The following PAK5 variants were observed in gnomAD, a reference collection of about 807,000 sequenced individuals.
PAK5 encodes the protein p21 (RAC1) activated kinase 5.
In PAK5, 16 loss-of-function variants were observed where a neutral mutation model predicts 65.9. That is an observed-to-expected ratio of 0.24 (90% CI 0.16 to 0.37). The LOEUF is 0.37. PAK5 is among the 10% of genes least tolerant of loss of function. PAK5 has a pLI of 1.00. For synonymous variants in PAK5, 371 were observed against 354.9 expected (o/e 1.05, Z -0.51); for missense variants, 785 against 903.9 (o/e 0.87, Z 1.69).
intron 3 of PAK5, among the ~76,000 whole-genome samples, chr20:9,593,304 A>G (rs2046205573): frequency 6.6e-6 from 1 of 152,006 alleles, no homozygotes; most frequent in African/African-American, 2.4e-5. Flanking sequence ...ACCCTGTATC[A>G]AAAGAAAAAA....
At chr20:9,541,888 C>A (rs925553061) in intron 9 of PAK5, among the ~76,000 whole-genome samples, 1 of 152,138 alleles carries the variant, frequency 6.6e-6, no homozygotes, top group African/African-American at 2.4e-5. Context: ...CCCCTGTGCG[C>A]TCTCTCTCTC....
At chr20:9,822,485 T>C (rs1168353060) in intron 1 of PAK5, among the ~76,000 whole-genome samples, 1 of 152,176 alleles carries the variant, frequency 6.6e-6, no homozygotes, top group African/African-American at 2.4e-5. Flanking sequence ...TTATATCATC[T>C]TGTTCATTTG....
At chr20:9,553,577 T>C (rs1056344490) in intron 7 of PAK5, among the ~76,000 whole-genome samples, 1 of 152,158 alleles carries the variant, frequency 6.6e-6, no homozygotes. Context: ...TGTGTGTATA[T>C]ATATAAATAT....
At chr20:9,642,006 C>T (rs1206507164) in intron 3 of PAK5, among the ~76,000 whole-genome samples, 1 of 152,168 alleles carries the variant, frequency 6.6e-6, no homozygotes, top group African/African-American at 2.4e-5. Context: ...GGAGTGGGCT[C>T]CAGCCTTGGC....
chr20:9,706,356 A>G (rs6086989), intron 2 of PAK5, among the ~76,000 whole-genome samples: 51,851 of 152,098 alleles, frequency 0.34, 9,686 homozygotes, highest in South Asian at 0.51. Flanking sequence ...ACACAGTCAC[A>G]TGCTGAAAAG....
At chr20:9,787,619 ATG>A (rs3061911) in intron 1 of PAK5, among the ~76,000 whole-genome samples, 26,748 of 146,396 alleles carry the variant, frequency 0.18, 2,419 homozygotes, top group East Asian at 0.35. Context: ...TATGAAAAGG[ATG>A]TGTGTGTGTG....
intron 1 of PAK5, among the ~76,000 whole-genome samples, chr20:9,767,451 T>C (rs2048781475): frequency 6.6e-6 from 1 of 152,246 alleles, no homozygotes; most frequent in Admixed American, 6.5e-5. Flanking sequence ...TGCCTTCCTT[T>C]GTTTTAGCAC....
intron 3 of PAK5, among the ~76,000 whole-genome samples, chr20:9,586,726 T>C (rs982031448): frequency 6.6e-6 from 1 of 152,148 alleles, no homozygotes; most frequent in Non-Finnish European, 1.5e-5. Flanking sequence ...GATTAGAGGG[T>C]CACTATTTCA....
chr20:9,569,811 T>C lies in PAK5; in HGVS notation c.991-3427A>G, dbSNP rs576949522. Among the ~76,000 whole-genome samples, 3 of 151,984 alleles carry C rather than the reference T, an allele frequency of 2.0e-5. No homozygotes were observed. In the East Asian group the frequency reaches 5.8e-4, roughly 29 times the overall value. On this transcript the variant is annotated intron_variant, in intron 4 of 9. Transcript: ENST00000353224. ...CCATTGGTTCTACAATGACAGTGCC[T>C]GGCCTGCTGAACATTCAGCAATGCA...
chr20:9,581,035 A>C lies in PAK5; in HGVS notation c.205-105T>G, dbSNP rs2045971982. ...ATCCAAATTAAACTACAGAAGAAAA[A>C]AGACCCCGGGAACACTTAACACAAA... is the stretch of plus-strand genomic sequence containing the variant. On this transcript the variant is annotated intron_variant, in intron 3 of 9. Coordinates refer to ENST00000353224, the MANE Select transcript of PAK5 (RefSeq NM_177990.4). The C allele has an allele frequency of 3.8e-6, 3 of 788,022 alleles. No individual in the cohort carries two copies. The Admixed American group carries it at 7.5e-5, about 20-fold the overall frequency. The allele number at this position is 788,022 out of a possible 1,614,324, so 48.8% of individuals were successfully genotyped here. A position where few individuals can be genotyped will look rare whatever the true frequency, so the allele number is the denominator to read the frequency against.
intron 2 of PAK5, among the ~76,000 whole-genome samples, chr20:9,689,646 G>T (rs1230652582): frequency 6.6e-6 from 1 of 152,146 alleles, no homozygotes; most frequent in East Asian, 1.9e-4. Context: ...AGCTATTTCG[G>T]TAACTTGAAC....
intron 1 of PAK5, among the ~76,000 whole-genome samples, chr20:9,722,838 C>T (rs1373187856): frequency 6.6e-6 from 1 of 151,742 alleles, no homozygotes; most frequent in East Asian, 2.0e-4. Flanking sequence ...CCAGGCCCAA[C>T]TGATTCTCTT....
At chr20:9,783,255 T>C (rs1286994571) in intron 1 of PAK5, among the ~76,000 whole-genome samples, 1 of 152,160 alleles carries the variant, frequency 6.6e-6, no homozygotes, top group Non-Finnish European at 1.5e-5. Context: ...TACTTTTTCT[T>C]ATTTCCAAAC....
At chr20:9,804,817 G>A (rs1330024921) in intron 1 of PAK5, among the ~76,000 whole-genome samples, 2 of 152,148 alleles carry the variant, frequency 1.3e-5, no homozygotes, top group Non-Finnish European at 2.9e-5. Flanking sequence ...GGGAGGCTGA[G>A]GTGGAAGGAT....
intron 1 of PAK5, among the ~76,000 whole-genome samples, chr20:9,816,795 A>G (rs377498605): frequency 5.9e-5 from 9 of 152,226 alleles, no homozygotes; most frequent in Admixed American, 1.3e-4. Flanking sequence ...TCCTTTCTCC[A>G]GAGAACCCTG....
chr20:9,761,176 T>G (rs2048695105), intron 1 of PAK5, among the ~76,000 whole-genome samples: 1 of 152,134 alleles, frequency 6.6e-6, no homozygotes, highest in African/African-American at 2.4e-5. Context: ...ATCCCACTGT[T>G]TTTCAAAGAA....
At chr20:9,701,819 C>A (rs1447597795) in intron 2 of PAK5, among the ~76,000 whole-genome samples, 1 of 151,898 alleles carries the variant, frequency 6.6e-6, no homozygotes, top group African/African-American at 2.4e-5. Flanking sequence ...GGCAACATAG[C>A]AAGACCTCGT....
At chr20:9,754,595 C>G (rs1019106054) in intron 1 of PAK5, among the ~76,000 whole-genome samples, 4 of 152,146 alleles carry the variant, frequency 2.6e-5, no homozygotes, top group African/African-American at 9.7e-5. Flanking sequence ...ATCTTGTGGT[C>G]TCTAGCTGCA....
At chr20:9,684,825 G>T (rs1245661282) in intron 2 of PAK5, among the ~76,000 whole-genome samples, 2 of 152,136 alleles carry the variant, frequency 1.3e-5, no homozygotes, top group East Asian at 3.9e-4. Context: ...CTAAAAGCTG[G>T]CTGGAAGGCA....
Sources: allele counts gnomAD v4.1 joint callset (sites outside exome capture counted in the v4.1 genomes callset), GRCh38; gene constraint gnomAD v4.1.1; transcripts MANE v1.5; gene names NCBI Gene and HGNC (gene_info 2026-07-23, HGNC 2026-07-21).